Variants in EVI5 observed in about 807,000 individuals in gnomAD.
EVI5 encodes the protein ecotropic viral integration site 5.
Under a neutral mutation model 112.0 loss-of-function variants are expected in EVI5, and 73 were observed. That is an observed-to-expected ratio of 0.65 (90% CI 0.54 to 0.79). The LOEUF (loss-of-function observed/expected upper bound fraction) is 0.79, where lower values mean the gene tolerates loss of function less well. EVI5 is among the 30% of genes least tolerant of loss of function. The pLI is 0.00. For missense variants in EVI5, 900 were observed against 968.8 expected (o/e 0.93, Z 0.94); for synonymous variants, 305 against 319.9 (o/e 0.95, Z 0.50).
Position 92,708,357 on chromosome 1 carries a change from AATAC to A in EVI5, c.150-3617_150-3614del, listed in dbSNP as rs1308589659. ...ATTTTTCCAAAGAAAACGGCCAATA[AATAC>A]ATAAGAAGATGTTCAACATCACTAG... On this transcript the variant is annotated intron_variant, in intron 2 of 19. Coordinates refer to ENST00000684568, the MANE Select transcript of EVI5 (RefSeq NM_001350197.2). 5.9e-5 allele frequency among the ~76,000 whole-genome samples: 9 copies of A among 152,286 alleles called. 1 individual carries two copies. The highest frequency in any genetic ancestry group is 3.9e-4 in the Admixed American group (6 of 15,300).
chr1:92,751,295 T>C (rs1459431254), intron 1 of EVI5, among the ~76,000 whole-genome samples: 1 of 152,218 alleles, frequency 6.6e-6, no homozygotes, highest in East Asian at 1.9e-4. Flanking sequence ...TTTTTTACTT[T>C]CCCTGGAGTT....
chr1:92,549,890 C>T (rs1425563213), intron 19 of EVI5, among the ~76,000 whole-genome samples: 2 of 152,202 alleles, frequency 1.3e-5, no homozygotes, highest in African/African-American at 4.8e-5. Context: ...AACACTTTTA[C>T]ACAGTTGGTG....
intron 19 of EVI5, among the ~76,000 whole-genome samples, chr1:92,557,200 G>A (rs1230577585): frequency 6.6e-6 from 1 of 152,022 alleles, no homozygotes; most frequent in Non-Finnish European, 1.5e-5. Context: ...TTATCTACCT[G>A]AGTTTTATTT....
chr1:92,783,303 A>C (rs1388593262), intron 1 of EVI5, among the ~76,000 whole-genome samples: 2 of 151,318 alleles, frequency 1.3e-5, no homozygotes. Context: ...AGGCGGGCAG[A>C]TCATTTGAGG....
chr1:92,619,445 C>CATATATATAT (rs34573809), intron 16 of EVI5, among the ~76,000 whole-genome samples: 24 of 146,904 alleles, frequency 1.6e-4, no homozygotes, highest in Middle Eastern at 3.6e-3. Flanking sequence ...AATAAACTCC[C>CATATATATAT]ATATATATAT....
intron 10 of EVI5, among the ~76,000 whole-genome samples, chr1:92,667,801 G>T (rs773316363): frequency 6.6e-6 from 1 of 152,126 alleles, no homozygotes; most frequent in Non-Finnish European, 1.5e-5. Context: ...ATTTTTAGTA[G>T]AGAGGGGGTT....
chr1:92,599,432 A>G (rs1215594430), intron 18 of EVI5, among the ~76,000 whole-genome samples: 3 of 152,052 alleles, frequency 2.0e-5, no homozygotes, highest in African/African-American at 7.2e-5. Context: ...TAAGAAAATA[A>G]CCTAAAATAT....
chr1:92,574,074 T>G (rs1444091331), intron 18 of EVI5, among the ~76,000 whole-genome samples: 4 of 152,222 alleles, frequency 2.6e-5, no homozygotes, highest in Non-Finnish European at 4.4e-5. Flanking sequence ...CATAAGAGTA[T>G]GTAGAAGAAT....
In EVI5 at chr1:92,510,722, G is replaced by C. The variant is rs1230767617; in HGVS notation, c.*2934C>G. ...CACAATATTTAAAAGGGTGAGCATG[G>C]GTGTGCCCCAATAAAACTTTACTTA... On this transcript the variant is annotated 3_prime_UTR_variant, in exon 20 of 20. Coordinates refer to ENST00000684568, the MANE Select transcript of EVI5 (RefSeq NM_001350197.2). 6.6e-6 allele frequency: 1 copy of C among 152,148 alleles called. No homozygotes were observed. Among genetic ancestry groups the C allele is most frequent in the Non-Finnish European group, 1.5e-5 (1 of 68,038 alleles). 9.4% of individuals were successfully genotyped at this position (152,148 alleles called of 1,614,324 possible).
At chr1:92,678,888 T>C (rs1160554876) in intron 9 of EVI5, among the ~76,000 whole-genome samples, 1 of 152,152 alleles carries the variant, frequency 6.6e-6, no homozygotes, top group Non-Finnish European at 1.5e-5. Flanking sequence ...CACTCTGGGG[T>C]TTAGAAAGCT....
At chr1:92,702,007 A>G in intron 5 of EVI5, 134 bp downstream of exon 5, 1 of 448,600 alleles carries the variant, frequency 2.2e-6, no homozygotes, top group Non-Finnish European at 3.8e-6. Flanking sequence ...CAAACTAAAT[A>G]TTTGTATTCA....
Position 92,517,015 on chromosome 1 carries a change from T to C in EVI5, c.2167-3045A>G, listed in dbSNP as rs150723561. Among the ~76,000 whole-genome samples, 178 of 152,346 alleles carry C rather than the reference T, an allele frequency of 1.2e-3. 1 individual carries two copies. Among genetic ancestry groups the C allele is most frequent in the African/African-American group, 4.2e-3 (173 of 41,592 alleles). On this transcript the variant is annotated intron_variant, in intron 19 of 19. Transcript: ENST00000684568. ...CTCTGTCAAAAATGTAGAATCCCTC[T>C]TGAGATCCAAGGATTTTGAATCCTT...
At chr1:92,710,060 C>A (rs1672603055) in intron 2 of EVI5, among the ~76,000 whole-genome samples, 2 of 108,006 alleles carry the variant, frequency 1.9e-5, no homozygotes, top group South Asian at 6.6e-4. Context: ...CATGGGTGCA[C>A]TGCCTTACAT....
chr1:92,708,737 T>TA (rs1225964776), intron 2 of EVI5, among the ~76,000 whole-genome samples: 23 of 152,076 alleles, frequency 1.5e-4, no homozygotes, highest in Admixed American at 7.9e-4. Flanking sequence ...ATGAATGGAT[T>TA]AAAAAAACAT....
In EVI5 at chr1:92,665,928, CACTT is replaced by C; in HGVS notation, c.1212+7_1212+10del. On this transcript the variant is annotated splice_region_variant and intron_variant, in intron 11 of 19. Coordinates refer to ENST00000684568, the MANE Select transcript of EVI5 (RefSeq NM_001350197.2). Reference sequence around the variant, plus strand: ...TTCAACAGAAGCTTGCATAAGTAGTCACTTACTTACTTTTTCTAATGTCTCGATG... The same window carrying C: ...TTCAACAGAAGCTTGCATAAGTAGTCACTTACTTTTTCTAATGTCTCGATG... The C allele has an allele frequency of 1.1e-4, 174 of 1,569,610 alleles. 1 individual carries two copies. The African/African-American group carries it at 1.6e-3, about 15-fold the overall frequency.
At chr1:92,677,390 A>C (rs990862835) in intron 9 of EVI5, among the ~76,000 whole-genome samples, 172 bp from the exon 10 acceptor site, 1 of 152,254 alleles carries the variant, frequency 6.6e-6, no homozygotes, top group Non-Finnish European at 1.5e-5. Flanking sequence ...ATGAGTTCTT[A>C]TTAAAAACTC....
intron 18 of EVI5, among the ~76,000 whole-genome samples, chr1:92,566,803 C>CATTTTTTTTTTTTTTTTTTT (rs777444096): frequency 1.0e-5 from 1 of 97,880 alleles, no homozygotes. Flanking sequence ...TGTGTGCCTG[C>CATTTTTTTTTTTTTTTTTTT]TTTTTTTTTT....
At chr1:92,610,708 T>C (rs1164834009) in intron 16 of EVI5, among the ~76,000 whole-genome samples, 1 of 151,982 alleles carries the variant, frequency 6.6e-6, no homozygotes, top group Non-Finnish European at 1.5e-5. Context: ...GAAGAAATAA[T>C]TAGTGTCCCA....
intron 1 of EVI5, among the ~76,000 whole-genome samples, chr1:92,791,113 G>T (rs1038869242): frequency 6.6e-6 from 1 of 152,190 alleles, no homozygotes; most frequent in Non-Finnish European, 1.5e-5. Context: ...ACCAGAATGG[G>T]ACATCAATAG....
Sources: gnomAD v4.1 joint callset for allele counts (sites outside exome capture counted in the v4.1 genomes callset) on GRCh38, gnomAD v4.1.1 for gene constraint, MANE v1.5 for transcripts, NCBI Gene and HGNC (gene_info 2026-07-23, HGNC 2026-07-21) for gene names.